Variants in TIAM1 observed in about 807,000 individuals in gnomAD.
The protein encoded by TIAM1 is TIAM Rac1 associated GEF 1.
A neutral mutation model predicts 163.5 loss-of-function variants in TIAM1; 65 were observed. The observed-to-expected ratio is 0.40, with a 90% CI of 0.33 to 0.49. The LOEUF (loss-of-function observed/expected upper bound fraction) is 0.49, where lower values mean the gene tolerates loss of function less well. Ranked by LOEUF, TIAM1 falls within the 20% of genes least tolerant of loss-of-function variation. TIAM1 has a pLI of 0.77. For synonymous variants in TIAM1, 833 were observed against 810.1 expected (o/e 1.03, Z -0.48); for missense variants, 1,789 against 2,044.7 (o/e 0.87, Z 2.41).
At chr21:31,379,427 T>C (rs1055466490) in intron 2 of TIAM1, among the ~76,000 whole-genome samples, 1 of 152,024 alleles carries the variant, frequency 6.6e-6, no homozygotes, top group Non-Finnish European at 1.5e-5. Flanking sequence ...CCAAAAACAC[T>C]GCACTATGCC....
intron 2 of TIAM1, among the ~76,000 whole-genome samples, chr21:31,304,614 G>A (rs1253416052): frequency 6.6e-6 from 1 of 152,122 alleles, no homozygotes; most frequent in Non-Finnish European, 1.5e-5. Context: ...AATTCAATAA[G>A]ACAAAAAGAA....
chr21:31,130,494 G>A (rs950027811), intron 24 of TIAM1, among the ~76,000 whole-genome samples, 179 bp from the exon 25 acceptor site: 6 of 152,312 alleles, frequency 3.9e-5, no homozygotes, highest in East Asian at 1.9e-4. Flanking sequence ...TGATAAATAC[G>A]TTGAGGGGAG....
intron 13 of TIAM1, among the ~76,000 whole-genome samples, chr21:31,190,388 G>T (rs2085499983): frequency 6.6e-6 from 1 of 152,016 alleles, no homozygotes; most frequent in Non-Finnish European, 1.5e-5. Context: ...TTCCAGCCTG[G>T]GCGACAGAGT....
At chr21:31,465,382 T>A (rs1460724287) in intron 1 of TIAM1, among the ~76,000 whole-genome samples, 1 of 151,552 alleles carries the variant, frequency 6.6e-6, no homozygotes, top group African/African-American at 2.4e-5. Context: ...CATGTGCCAC[T>A]ATGCTTGGTT....
intron 1 of TIAM1, among the ~76,000 whole-genome samples, chr21:31,508,139 T>C (rs1432807324): frequency 2.0e-5 from 3 of 152,130 alleles, no homozygotes; most frequent in Middle Eastern, 3.2e-3. Context: ...AAGGACAGGT[T>C]CTTCCTTAGA....
At chr21:31,447,913 G>A (rs1300048665) in intron 2 of TIAM1, among the ~76,000 whole-genome samples, 2 of 152,160 alleles carry the variant, frequency 1.3e-5, no homozygotes, top group Admixed American at 1.3e-4. Flanking sequence ...GGAGAGCAAT[G>A]GTGGAGTTCC....
At chr21:31,200,643 TAATA>T (rs1165126328) in intron 12 of TIAM1, among the ~76,000 whole-genome samples, 1 of 152,238 alleles carries the variant, frequency 6.6e-6, no homozygotes, top group African/African-American at 2.4e-5. Flanking sequence ...TTTAATAAGC[TAATA>T]AATAAGAACA....
At chr21:31,462,051 G>A (rs1326453043) in intron 2 of TIAM1, among the ~76,000 whole-genome samples, 1 of 152,214 alleles carries the variant, frequency 6.6e-6, no homozygotes, top group East Asian at 1.9e-4. Flanking sequence ...TCGGGGACGA[G>A]AAGTATTCCT....
At chr21:31,367,136 AGGAG>A (rs10595907) in intron 2 of TIAM1, among the ~76,000 whole-genome samples, 5,766 of 142,250 alleles carry the variant, frequency 0.041, 199 homozygotes, top group African/African-American at 0.1. Context: ...GAGAGAAGGA[AGGAG>A]GGAGGGAGGG....
chr21:31,318,230 T>C (rs961367046), intron 2 of TIAM1, among the ~76,000 whole-genome samples: 1 of 152,228 alleles, frequency 6.6e-6, no homozygotes, highest in African/African-American at 2.4e-5. Flanking sequence ...CCTGAGTAGC[T>C]GGGACCACAG....
chr21:31,266,223 C>A lies in TIAM1; in HGVS notation c.750G>T (p.Gly250=), dbSNP rs545520373. 5 of 1,614,046 alleles carry A rather than the reference C, an allele frequency of 3.1e-6. No individual in the cohort carries two copies. In the East Asian group the frequency reaches 1.1e-4, roughly 36 times the overall value. ...TCCGACAGTAGCCTGCAAATTTGCTCCCCGGCCCCCCGTTTGCTGTCACTC... is the reference window on the plus strand; with the variant it reads ...TCCGACAGTAGCCTGCAAATTTGCTACCCGGCCCCCCGTTTGCTGTCACTC... ...NSGVTANGGP[G]SKFAGYCRNL... The change falls in exon 4 of 28, where the codon GGG becomes GGT. Residue 250 remains glycine (G), a synonymous_variant. Transcript: ENST00000541036.
intron 2 of TIAM1, among the ~76,000 whole-genome samples, chr21:31,454,790 G>T (rs1187209155): frequency 6.6e-6 from 1 of 152,212 alleles, no homozygotes; most frequent in Non-Finnish European, 1.5e-5. Context: ...AGCTGAATCA[G>T]AATTGAAGGC....
rs78806445 is a variant in TIAM1, at chr21:31,120,271, G to A, written c.*97C>T. On this transcript the variant is annotated 3_prime_UTR_variant, in exon 28 of 28. Transcript: ENST00000541036. This position sits in a 1 kb window ranked among gnomAD's most constrained non-coding sequence, Gnocchi z 4.2. The stretch of plus-strand genomic sequence containing the variant: ...CTGCCAAAACCGTGTGTGCAAGAGC[G>A]CGACCTAAGGGGACATTCTTGTCGA... The A allele has an allele frequency of 6.6e-4, 837 of 1,274,150 alleles. 5 individuals are homozygous for A. The African/African-American group carries it at 0.011, about 16-fold the overall frequency. 78.9% of individuals were successfully genotyped at this position (1,274,150 alleles called of 1,614,324 possible).
chr21:31,519,689 G>T (rs558805541), intron 1 of TIAM1, among the ~76,000 whole-genome samples: 2 of 152,164 alleles, frequency 1.3e-5, no homozygotes, highest in East Asian at 1.9e-4. Context: ...AGCAAAAGGT[G>T]GCATATCCAT....
chr21:31,301,677 T>TAA (rs907505374), intron 2 of TIAM1, among the ~76,000 whole-genome samples: 1 of 151,860 alleles, frequency 6.6e-6, no homozygotes, highest in African/African-American at 2.4e-5. Context: ...CCCTCTTTAC[T>TAA]AAAAATATAA....
chr21:31,465,284 C>A lies in TIAM1; in HGVS notation c.-421-1249G>T, dbSNP rs539725675. Among the ~76,000 whole-genome samples the A allele has an allele frequency of 2.6e-5, 4 of 151,974 alleles. No individual in the cohort carries two copies. In the East Asian group the frequency reaches 7.7e-4, roughly 29 times the overall value. Reference sequence around the variant, plus strand: ...TTTATTTATTTATTTATTTTTAGTGCAGAGTGCAGTGGCAAGATCTGTAGT... The same window carrying A: ...TTTATTTATTTATTTATTTTTAGTGAAGAGTGCAGTGGCAAGATCTGTAGT... On this transcript the variant is annotated intron_variant, in intron 1 of 28. Coordinates refer to the TIAM1 transcript ENST00000286827.
chr21:31,322,014 C>A (rs1252181223), intron 2 of TIAM1, among the ~76,000 whole-genome samples: 2 of 151,900 alleles, frequency 1.3e-5, no homozygotes, highest in African/African-American at 4.8e-5. Context: ...GATCGTGCCA[C>A]CTGCATGAGA....
chr21:31,362,445 AATTATTATTATT>A lies in TIAM1; in HGVS notation c.-368-23035_-368-23024del, dbSNP rs10634487. On this transcript the variant is annotated intron_variant, in intron 2 of 28. Coordinates refer to the TIAM1 transcript ENST00000286827. Reference sequence around the variant, plus strand: ...ATCCATTACCCATTAATGCAGTGACAATTATTATTATTATTATTATTATTATTATTATTATAT... The same window carrying A: ...ATCCATTACCCATTAATGCAGTGACAATTATTATTATTATTATTATTATAT... Among the ~76,000 whole-genome samples, 510 of 142,774 alleles carry A rather than the reference AATTATTATTATT, an allele frequency of 3.6e-3. 3 individuals are homozygous for A. The highest frequency in any genetic ancestry group is 0.012 in the African/African-American group (482 of 38,608). The allele number at this position is 142,774 out of a possible 152,430, so 93.7% of individuals were successfully genotyped here.
chr21:31,122,692 T>C (rs535973627), intron 27 of TIAM1, among the ~76,000 whole-genome samples: 15 of 152,346 alleles, frequency 9.8e-5, no homozygotes, highest in East Asian at 5.8e-4. Flanking sequence ...AGGCTGAATA[T>C]GGAAGCAGAG....
Sources: gnomAD v4.1 joint callset for allele counts (sites outside exome capture counted in the v4.1 genomes callset) on GRCh38, gnomAD v4.1.1 for gene constraint, Gnocchi (gnomAD v3.1) non-coding constraint, MANE v1.5 for transcripts, NCBI Gene and HGNC (gene_info 2026-07-23, HGNC 2026-07-21) for gene names.